TENM3: variants seen among roughly 807,000 people sequenced by gnomAD.
TENM3 encodes teneurin transmembrane protein 3.
Under a neutral mutation model 255.1 loss-of-function variants are expected in TENM3, and 63 were observed. That is an observed-to-expected ratio of 0.25 (90% CI 0.20 to 0.30). TENM3 has a LOEUF of 0.30. Among genes scored for constraint, TENM3 ranks in the 10% least tolerant of loss-of-function variants. The pLI, the probability that TENM3 is intolerant of heterozygous loss-of-function variation, is 1.00. For missense variants in TENM3, 2,929 were observed against 3,461.1 expected (o/e 0.85, Z 3.86); for synonymous variants, 1,306 against 1,322.3 (o/e 0.99, Z 0.27).
chr4:182,529,756 G>A (rs914516241), intron 3 of TENM3, among the ~76,000 whole-genome samples: 1 of 151,558 alleles, frequency 6.6e-6, no homozygotes. Flanking sequence ...AAGGTGTTCC[G>A]TATATAAATC....
chr4:182,679,187 A>AT (rs2152563523), intron 7 of TENM3, among the ~76,000 whole-genome samples: 1 of 150,490 alleles, frequency 6.6e-6, no homozygotes, highest in Non-Finnish European at 1.5e-5. Flanking sequence ...CTGCACATGT[A>AT]CCCCAGAACT....
the TENM3 span, among the ~76,000 whole-genome samples, chr4:182,025,056 T>C: frequency 7.1e-6 from 1 of 140,532 alleles, no homozygotes; most frequent in Non-Finnish European, 1.5e-5. Flanking sequence ...TGAGATGGAG[T>C]CTTGCTTTGT....
At position 182,736,924 on chromosome 4, in the gene TENM3, A is replaced by G. The variant is rs1177093505; in HGVS notation, c.3084A>G (p.Pro1028=). ...LKITMTQSII[P]FNLMKVHLMV... Reference sequence around the variant, plus strand: ...TCACCATGACCCAGTCTATTATTCCATTTAATTTAATGAAGGTTCATCTTA... The same window carrying G: ...TCACCATGACCCAGTCTATTATTCCGTTTAATTTAATGAAGGTTCATCTTA... Residue 1028 remains proline (P), a synonymous_variant, in exon 17 of 28, where the codon CCA becomes CCG. Transcript: ENST00000511685. 6.2e-7 allele frequency: 1 copy of G among 1,613,898 alleles called. No homozygotes were observed. The highest frequency in any genetic ancestry group is 8.5e-7 in the Non-Finnish European group (1 of 1,179,850).
intron 1 of TENM3, among the ~76,000 whole-genome samples, chr4:182,252,266 A>G (rs1758069432): frequency 6.6e-6 from 1 of 152,140 alleles, no homozygotes; most frequent in Non-Finnish European, 1.5e-5. Context: ...ATTTAAGTAT[A>G]CACACGACTT....
At chr4:182,653,982 A>T in intron 6 of TENM3, 89 bp downstream of exon 6, 6 of 1,317,220 alleles carry the variant, frequency 4.6e-6, no homozygotes, top group East Asian at 2.6e-5. Context: ...TCTAGTTTAG[A>T]TGGAACAGGG....
intron 14 of TENM3, among the ~76,000 whole-genome samples, chr4:182,729,403 A>G (rs1760497379): frequency 6.6e-6 from 1 of 152,214 alleles, no homozygotes; most frequent in African/African-American, 2.4e-5. Context: ...AGGACATTAT[A>G]TTAAAGAGTC....
chr4:181,862,934 T>C, the TENM3 span, among the ~76,000 whole-genome samples: 1 of 152,078 alleles, frequency 6.6e-6, no homozygotes, highest in African/African-American at 2.4e-5. Flanking sequence ...TGGACAAAAA[T>C]ACAGGTACAA....
intron 27 of TENM3, among the ~76,000 whole-genome samples, chr4:182,797,711 C>T (rs184681209): frequency 6.3e-4 from 96 of 152,246 alleles, no homozygotes; most frequent in African/African-American, 2.2e-3. Context: ...TTCCAGCTTA[C>T]AGTAAGAATA....
intron 3 of TENM3, among the ~76,000 whole-genome samples, chr4:182,481,776 C>CA (rs530332161): frequency 2.6e-3 from 399 of 152,310 alleles, no homozygotes; most frequent in African/African-American, 9.4e-3. Context: ...GCCTGGGCAA[C>CA]AGAGTGAGAC....
At chr4:182,083,026 G>C in the TENM3 span, among the ~76,000 whole-genome samples, 3 of 152,144 alleles carry the variant, frequency 2.0e-5, no homozygotes, top group Admixed American at 2.0e-4. Context: ...TTAGTAGCTG[G>C]AAGGACTTTG....
the TENM3 span, among the ~76,000 whole-genome samples, chr4:181,893,214 C>G: frequency 6.6e-6 from 1 of 151,976 alleles, no homozygotes; most frequent in African/African-American, 2.4e-5. Flanking sequence ...ATTTAAATGA[C>G]AAAAACGGTG....
intron 1 of TENM3, among the ~76,000 whole-genome samples, chr4:182,290,799 G>A (rs796551173): frequency 1.4e-5 from 2 of 147,570 alleles, no homozygotes; most frequent in African/African-American, 5.0e-5. Flanking sequence ...CACCGTGCCC[G>A]GCCAAAAAGC....
intron 3 of TENM3, among the ~76,000 whole-genome samples, chr4:182,577,040 G>A (rs186735157): frequency 1.8e-4 from 27 of 152,230 alleles, no homozygotes; most frequent in Admixed American, 1.4e-3. Context: ...TCTGAACCAC[G>A]GCAGCTTCGT....
chr4:181,715,210 G>A, the TENM3 span, among the ~76,000 whole-genome samples: 1 of 152,148 alleles, frequency 6.6e-6, no homozygotes, highest in East Asian at 1.9e-4. Context: ...CTCAGCAGTA[G>A]AGAAGCTCTA....
At chr4:182,569,795 G>A (rs564286705) in intron 3 of TENM3, among the ~76,000 whole-genome samples, 13 of 152,240 alleles carry the variant, frequency 8.5e-5, no homozygotes, top group African/African-American at 2.2e-4. Context: ...TGTGGTTTAC[G>A]GGTGAGTAAA....
the TENM3 span, among the ~76,000 whole-genome samples, chr4:181,724,546 TAAATA>T: frequency 6.6e-6 from 1 of 152,210 alleles, no homozygotes; most frequent in Non-Finnish European, 1.5e-5. Context: ...TTTTGTTTCA[TAAATA>T]AAATATCTTT....
Position 182,304,829 on chromosome 4 carries a change from TC to T in TENM3, c.-75-19114del, listed in dbSNP as rs200035579. On this transcript the variant is annotated intron_variant, in intron 1 of 27. Coordinates refer to ENST00000511685, the MANE Select transcript of TENM3 (RefSeq NM_001080477.4). ...TAGGGGATTTGTGGGGTTGTGTAGA[TC>T]CCTTATTGTCCTCCAGTGGTTTGCA... is the stretch of plus-strand genomic sequence containing the variant. Among the ~76,000 whole-genome samples the T allele has an allele frequency of 5.3e-3, 800 of 152,100 alleles. 8 individuals carry two copies. Among genetic ancestry groups the T allele is most frequent in the African/African-American group, 0.019 (767 of 41,436 alleles).
At chr4:181,641,923 A>C in the TENM3 span, among the ~76,000 whole-genome samples, 1 of 145,948 alleles carries the variant, frequency 6.9e-6, no homozygotes, top group Admixed American at 7.1e-5. Context: ...ATAGGGCTGC[A>C]ATAAACATAT....
the TENM3 span, among the ~76,000 whole-genome samples, chr4:181,907,816 A>G: frequency 6.6e-6 from 1 of 152,022 alleles, no homozygotes; most frequent in African/African-American, 2.4e-5. Flanking sequence ...AATGAGTAGA[A>G]AGGTACCTCC....
Sources: gnomAD v4.1 joint callset for allele counts (sites outside exome capture counted in the v4.1 genomes callset) on GRCh38, gnomAD v4.1.1 for gene constraint, MANE v1.5 for transcripts, NCBI Gene and HGNC (gene_info 2026-07-23, HGNC 2026-07-21) for gene names.